Variants in ZHX2 observed in about 807,000 individuals in gnomAD.
The protein encoded by ZHX2 is zinc fingers and homeoboxes 2, also known as zinc fingers and homeoboxes protein 2.
In ZHX2, 6 loss-of-function variants were observed where a neutral mutation model predicts 21.9. That is an observed-to-expected ratio of 0.27 (90% confidence interval 0.15 to 0.54). The LOEUF (loss-of-function observed/expected upper bound fraction) is 0.54, where lower values mean the gene tolerates loss of function less well. Among genes scored for constraint, ZHX2 ranks in the 20% least tolerant of loss-of-function variants. The probability of loss-of-function intolerance (pLI) is 0.95; values close to 1 mark genes in which losing one functional copy is unlikely to be tolerated. For missense variants in ZHX2, 908 were observed against 1,090.7 expected, an observed-to-expected ratio of 0.83 and a Z score of 2.36; for synonymous variants, 434 against 437.1, an observed-to-expected ratio of 0.99 and a Z score of 0.09.
Position 122,826,627 on chromosome 8 carries a change from G to A in ZHX2, c.-282-36850G>A, listed in dbSNP as rs1818271115. On this transcript the variant is annotated intron_variant, in intron 1 of 3. Coordinates refer to ENST00000314393, the MANE Select transcript of ZHX2 (RefSeq NM_014943.5). ...ACGGAGCTAACAGAGGTGCAGCTTA[G>A]GGGCGGTGCTAGGGAGTGTGCTTGT... 2.0e-5 allele frequency among the ~76,000 whole-genome samples: 3 copies of A among 152,210 alleles called. No individual in the cohort carries two copies. The South Asian group carries it at 6.2e-4, about 32-fold the overall frequency.
At chr8:122,845,660 G>T (rs1400188769) in intron 1 of ZHX2, among the ~76,000 whole-genome samples, 1 of 152,236 alleles carries the variant, frequency 6.6e-6, no homozygotes, top group Admixed American at 6.5e-5. Context: ...TGGGGTAAAA[G>T]TTAAAGGTGC....
At chr8:122,907,387 T>G (rs1357527201) in intron 2 of ZHX2, among the ~76,000 whole-genome samples, 1 of 152,076 alleles carries the variant, frequency 6.6e-6, no homozygotes, top group Non-Finnish European at 1.5e-5. Context: ...AGGCCACAGA[T>G]AGGTGAGACA....
intron 2 of ZHX2, among the ~76,000 whole-genome samples, chr8:122,921,664 G>A (rs1461956928): frequency 6.9e-6 from 1 of 144,418 alleles, no homozygotes; most frequent in Non-Finnish European, 1.5e-5. Context: ...GAGAGAGAGA[G>A]AGAAAGTGAG....
chr8:122,914,127 C>A (rs146224601), intron 2 of ZHX2, among the ~76,000 whole-genome samples: 2 of 152,316 alleles, frequency 1.3e-5, no homozygotes, highest in East Asian at 3.9e-4. Flanking sequence ...TTCCAAGTAC[C>A]TAGCACAGTC....
chr8:122,891,889 A>C (rs1274255427), intron 2 of ZHX2, among the ~76,000 whole-genome samples: 1 of 152,210 alleles, frequency 6.6e-6, no homozygotes, highest in Non-Finnish European at 1.5e-5. Flanking sequence ...AAGAAAGTGT[A>C]TTCTGCAGCT....
chr8:122,959,555 G>A (rs916222294), intron 3 of ZHX2, among the ~76,000 whole-genome samples: 8 of 152,082 alleles, frequency 5.3e-5, no homozygotes, highest in South Asian at 2.1e-4. Context: ...GCTGAATAAC[G>A]GTTTATTGAA....
intron 2 of ZHX2, among the ~76,000 whole-genome samples, chr8:122,899,278 A>C (rs753116724): frequency 1.3e-5 from 2 of 151,830 alleles, no homozygotes; most frequent in African/African-American, 2.4e-5. Context: ...TCTCCCACTT[A>C]ATTTTTCTTC....
At position 122,952,420 on chromosome 8, in the gene ZHX2, G is replaced by A; in HGVS notation, c.910G>A (p.Glu304Lys). 3 of 1,614,172 alleles carry A rather than the reference G, an allele frequency of 1.9e-6. No homozygotes were observed. The highest frequency in any genetic ancestry group is 1.7e-6 in the Non-Finnish European group (2 of 1,180,038). ...WLTAASKHPE[E>K]HIRIWFATQR... is the part of the protein sequence containing the mutation. ...GACAGCTGCCTCCAAACACCCAGAG[G>A]AGCACATCAGAATCTGGTTTGCCAC... Residue 304 changes from glutamate to lysine, a missense_variant, in exon 3 of 4, where the codon GAG (glutamate) becomes AAG (lysine). Around this residue, in one of 4 missense-constraint regions of ZHX2, gnomAD observed 232 missense variants for 361.8 expected, o/e 0.64. Transcript: ENST00000314393. The surrounding 1 kb of genome is among the most constrained non-coding windows in gnomAD (Gnocchi z 6.9).
intron 3 of ZHX2, among the ~76,000 whole-genome samples, chr8:122,954,304 G>A (rs1813236505): frequency 6.6e-6 from 1 of 152,054 alleles, no homozygotes; most frequent in African/African-American, 2.4e-5. Flanking sequence ...TGGTTTTGGT[G>A]TTTTGTTTTG....
chr8:122,880,983 G>A (rs532094904), intron 2 of ZHX2, among the ~76,000 whole-genome samples: 20 of 152,208 alleles, frequency 1.3e-4, no homozygotes, highest in African/African-American at 4.6e-4. Context: ...ACCCACCCAG[G>A]GTTTCAGTGC....
chr8:122,784,092 T>C (rs1156722230), intron 1 of ZHX2, among the ~76,000 whole-genome samples: 1 of 152,238 alleles, frequency 6.6e-6, no homozygotes, highest in Non-Finnish European at 1.5e-5. Context: ...ACACCACTGT[T>C]TGTTGGCACT....
intron 1 of ZHX2, among the ~76,000 whole-genome samples, chr8:122,848,525 AG>A (rs1818806766): frequency 6.6e-6 from 1 of 152,106 alleles, no homozygotes; most frequent in Admixed American, 6.5e-5. Context: ...CCCCTCATTA[AG>A]GGTTCTGAGA....
chr8:122,839,805 C>T (rs933570988), intron 1 of ZHX2, among the ~76,000 whole-genome samples: 2 of 152,184 alleles, frequency 1.3e-5, no homozygotes, highest in African/African-American at 4.8e-5. Flanking sequence ...AGCAGTTATA[C>T]ATATGCCTGG....
intron 1 of ZHX2, among the ~76,000 whole-genome samples, chr8:122,788,839 G>A (rs1284348210): frequency 6.6e-6 from 1 of 152,186 alleles, no homozygotes. Flanking sequence ...TCCTGCATGA[G>A]TGTGTGTGCA....
Position 122,863,489 on chromosome 8 carries a change from C to G in ZHX2, c.-270C>G, listed in dbSNP as rs917183046. ...CTGTCCCCTGTAGGTCTGGATGTAC[C>G]GACTGCTTTTGGAATAAAAAGATTC... On this transcript the variant is annotated 5_prime_UTR_variant, in exon 2 of 4. Transcript: ENST00000314393. 4 of 152,588 alleles carry G rather than the reference C, an allele frequency of 2.6e-5. No individual in the cohort carries two copies. Among genetic ancestry groups the G allele is most frequent in the African/African-American group, 9.7e-5 (4 of 41,370 alleles). 9.5% of individuals were successfully genotyped at this position (152,588 alleles called of 1,614,324 possible). A position where few individuals can be genotyped will look rare whatever the true frequency, so the allele number is the denominator to read the frequency against.
chr8:122,814,140 A>G (rs1013137479), intron 1 of ZHX2, among the ~76,000 whole-genome samples: 1 of 152,278 alleles, frequency 6.6e-6, no homozygotes, highest in South Asian at 2.1e-4. Context: ...AGCCTTTGCA[A>G]CTCCCAGAGG....
intron 1 of ZHX2, among the ~76,000 whole-genome samples, chr8:122,795,692 T>G (rs1817601242): frequency 6.6e-6 from 1 of 152,186 alleles, no homozygotes; most frequent in Non-Finnish European, 1.5e-5. Flanking sequence ...TAATCCCAAC[T>G]ACCCCCATTG....
At chr8:122,914,303 G>A (rs1221804795) in intron 2 of ZHX2, among the ~76,000 whole-genome samples, 1 of 152,252 alleles carries the variant, frequency 6.6e-6, no homozygotes, top group African/African-American at 2.4e-5. Context: ...AGAAGGGACA[G>A]AGAAGCACTG....
chr8:122,836,009 G>A (rs934385970), intron 1 of ZHX2, among the ~76,000 whole-genome samples: 2 of 152,120 alleles, frequency 1.3e-5, no homozygotes, highest in African/African-American at 4.8e-5. Flanking sequence ...CTGTCCTTTG[G>A]AGTGGAAGAC....
Sources: allele counts gnomAD v4.1 joint callset (sites outside exome capture counted in the v4.1 genomes callset), GRCh38; gene constraint gnomAD v4.1.1; regional missense constraint gnomAD v4.1.1; non-coding constraint Gnocchi (gnomAD v3.1); transcripts MANE v1.5; gene names NCBI Gene and HGNC (gene_info 2026-07-23, HGNC 2026-07-21).